Variants in CPNE4 observed in about 807,000 individuals in gnomAD.
CPNE4 encodes copine-4.
A neutral mutation model predicts 67.9 loss-of-function variants in CPNE4; 25 were observed. That is an observed-to-expected ratio of 0.37 (90% CI 0.27 to 0.51). CPNE4 has a LOEUF of 0.51. CPNE4 is among the 20% of genes least tolerant of loss of function. CPNE4 has a pLI of 0.93. For missense variants in CPNE4, 464 were observed against 690.8 expected, an observed-to-expected ratio of 0.67 and a Z score of 3.68; for synonymous variants, 242 against 244.9, an observed-to-expected ratio of 0.99 and a Z score of 0.11.
chr3:131,856,192 G>A (rs1035434413), intron 2 of CPNE4, among the ~76,000 whole-genome samples: 1 of 151,876 alleles, frequency 6.6e-6, no homozygotes, highest in Non-Finnish European at 1.5e-5. Context: ...CATCTTTGGT[G>A]TACCCAATAT....
intron 2 of CPNE4, among the ~76,000 whole-genome samples, chr3:131,764,082 C>A (rs985341107): frequency 4.6e-5 from 7 of 152,002 alleles, no homozygotes; most frequent in African/African-American, 1.7e-4. Flanking sequence ...CCCAAAGTCC[C>A]ATGGCTGCTA....
chr3:131,629,032 C>A (rs1365526242), intron 7 of CPNE4, among the ~76,000 whole-genome samples: 2 of 152,136 alleles, frequency 1.3e-5, no homozygotes, highest in Non-Finnish European at 2.9e-5. Context: ...CTCTTGTGGG[C>A]ATGTAGTGCT....
intron 1 of CPNE4, among the ~76,000 whole-genome samples, chr3:131,924,665 A>G (rs1221666203): frequency 6.6e-6 from 1 of 152,212 alleles, no homozygotes; most frequent in Admixed American, 6.5e-5. Flanking sequence ...AACCACTAGT[A>G]TAGAGGTGTG....
chr3:131,950,247 A>G (rs1560659198), intron 1 of CPNE4, among the ~76,000 whole-genome samples: 1 of 152,242 alleles, frequency 6.6e-6, no homozygotes, highest in African/African-American at 2.4e-5. Context: ...ATGCATTAAC[A>G]GTGAACTCAC....
In CPNE4 at chr3:131,793,507, T is replaced by A. The variant is rs572637268; in HGVS notation, c.181-69882A>T. On this transcript the variant is annotated intron_variant, in intron 2 of 15. Coordinates refer to ENST00000429747, the MANE Select transcript of CPNE4 (RefSeq NM_130808.3). Reference sequence around the variant, plus strand: ...AACAACCAAAAATCCCAAACACCGATGCCTGGGCACCACCCTAGACTAGTT... The same window carrying A: ...AACAACCAAAAATCCCAAACACCGAAGCCTGGGCACCACCCTAGACTAGTT... Among the ~76,000 whole-genome samples, 4 of 152,316 alleles carry A rather than the reference T, an allele frequency of 2.6e-5. No homozygotes were observed. In the East Asian group the frequency reaches 7.7e-4, roughly 29 times the overall value.
In CPNE4 at chr3:131,581,682, A is replaced by T. The variant is rs371340808; in HGVS notation, c.781-17T>A. 45 of 1,578,386 alleles carry T rather than the reference A, an allele frequency of 2.9e-5. No homozygotes were observed. Among genetic ancestry groups the T allele is most frequent in the Non-Finnish European group, 3.8e-5 (44 of 1,147,514 alleles). On this transcript the variant is annotated splice_polypyrimidine_tract_variant and intron_variant, in intron 8 of 15. Coordinates refer to ENST00000429747, the MANE Select transcript of CPNE4 (RefSeq NM_130808.3). The stretch of plus-strand genomic sequence containing the variant: ...CCACTGCACCTGAAAGAAGGGTCAT[A>T]GCATGAGAATCTGTTCAGGAAAAAG...
chr3:131,619,818 C>T (rs1055315112), intron 7 of CPNE4, among the ~76,000 whole-genome samples: 8 of 152,090 alleles, frequency 5.3e-5, no homozygotes, highest in African/African-American at 9.7e-5. Context: ...ATGGTTAATA[C>T]GATCAAGTCA....
At chr3:131,776,948 T>C (rs1169240624) in intron 2 of CPNE4, among the ~76,000 whole-genome samples, 1 of 152,150 alleles carries the variant, frequency 6.6e-6, no homozygotes, top group Non-Finnish European at 1.5e-5. Context: ...TTCATTACGT[T>C]ATATATCAGT....
chr3:131,965,897 T>A (rs1190420307), intron 1 of CPNE4, among the ~76,000 whole-genome samples: 1 of 152,204 alleles, frequency 6.6e-6, no homozygotes, highest in East Asian at 1.9e-4. Flanking sequence ...TACAGAACTC[T>A]CCACTCCAAA....
chr3:131,664,610 C>A (rs1014646511), intron 7 of CPNE4, among the ~76,000 whole-genome samples: 3 of 152,022 alleles, frequency 2.0e-5, no homozygotes, highest in African/African-American at 7.2e-5. Flanking sequence ...AGGATGATTT[C>A]TTTTCTAATA....
intron 6 of CPNE4, among the ~76,000 whole-genome samples, chr3:131,684,926 G>GA (rs1242408074): frequency 6.6e-6 from 1 of 152,206 alleles, no homozygotes; most frequent in East Asian, 1.9e-4. Context: ...CTTGGAGAAA[G>GA]AAGAGGAAGA....
intron 2 of CPNE4, among the ~76,000 whole-genome samples, chr3:131,783,123 A>G (rs1379295385): frequency 1.3e-5 from 2 of 152,120 alleles, no homozygotes; most frequent in East Asian, 3.9e-4. Context: ...ACTAATGCTG[A>G]TAAAAATTAA....
At chr3:131,634,372 C>T (rs2079320671) in intron 7 of CPNE4, among the ~76,000 whole-genome samples, 1 of 152,134 alleles carries the variant, frequency 6.6e-6, no homozygotes, top group African/African-American at 2.4e-5. Flanking sequence ...AGAAATAATA[C>T]TTCACTTTGA....
chr3:131,621,253 T>A lies in CPNE4; in HGVS notation c.682-33671A>T, dbSNP rs186942437. On this transcript the variant is annotated intron_variant, in intron 7 of 15. Transcript: ENST00000429747. ...TTCCTATGGTCATTTACTCTTTTTTTATTCTTTTTTAGACAGGTTCTCTTA... is the reference window on the plus strand; with the variant it reads ...TTCCTATGGTCATTTACTCTTTTTTAATTCTTTTTTAGACAGGTTCTCTTA... Among the ~76,000 whole-genome samples, 217 of 152,224 alleles carry A rather than the reference T, an allele frequency of 1.4e-3. 2 individuals carry two copies. The Middle Eastern group carries it at 0.034, about 24-fold the overall frequency.
intron 1 of CPNE4, among the ~76,000 whole-genome samples, chr3:132,027,811 G>A (rs2074146368): frequency 8.9e-6 from 1 of 111,806 alleles, no homozygotes; most frequent in Non-Finnish European, 2.0e-5. Context: ...CATCTTAAAA[G>A]CCTTCTTTGT....
chr3:131,992,867 C>T (rs6439329), intron 1 of CPNE4, among the ~76,000 whole-genome samples: 129,722 of 134,706 alleles, frequency 0.96, 63,689 homozygotes, highest in African/African-American at 0.99. Context: ...CTTTTCCTTC[C>T]TTGCTCAACA....
At chr3:131,935,487 T>A (rs541450340) in intron 1 of CPNE4, among the ~76,000 whole-genome samples, 18 of 151,930 alleles carry the variant, frequency 1.2e-4, no homozygotes, top group African/African-American at 4.3e-4. Flanking sequence ...ACAAATAGAA[T>A]AAATGGGGTA....
intron 1 of CPNE4, among the ~76,000 whole-genome samples, chr3:131,942,461 TGTGAGAGAGA>T (rs1386127940): frequency 0.055 from 2,977 of 54,524 alleles, 28 homozygotes; most frequent in Middle Eastern, 0.073. Flanking sequence ...TGTGTGTGTG[TGTGAGAGAGA>T]GAGAGAGAGA....
chr3:131,906,559 A>G (rs1225731149), intron 1 of CPNE4, among the ~76,000 whole-genome samples: 1 of 151,752 alleles, frequency 6.6e-6, no homozygotes, highest in African/African-American at 2.4e-5. Flanking sequence ...AGCTTCATCC[A>G]TGTCCCTACA....
Sources: gnomAD v4.1 joint callset for allele counts (sites outside exome capture counted in the v4.1 genomes callset) on GRCh38, gnomAD v4.1.1 for gene constraint, MANE v1.5 for transcripts, NCBI Gene and HGNC (gene_info 2026-07-23, HGNC 2026-07-21) for gene names.